CNTN5: variants seen among roughly 807,000 people sequenced by gnomAD.
CNTN5 encodes contactin 5, also known as contactin-5.
In CNTN5, 77 loss-of-function variants were observed where a neutral mutation model predicts 129.1. That is an observed-to-expected ratio of 0.60 (90% confidence interval 0.50 to 0.72). The LOEUF (loss-of-function observed/expected upper bound fraction) is 0.72. Among genes scored for constraint, CNTN5 ranks in the 30% least tolerant of loss-of-function variants. The probability of loss-of-function intolerance (pLI) is 0.00; values close to 1 mark genes in which losing one functional copy is unlikely to be tolerated. For missense variants in CNTN5, 1,478 were observed against 1,328.8 expected, an observed-to-expected ratio of 1.11 and a Z score of -1.75; for synonymous variants, 509 against 465.6, an observed-to-expected ratio of 1.09 and a Z score of -1.20.
chr11:99,522,555 A>G (rs1338840631), intron 2 of CNTN5, among the ~76,000 whole-genome samples: 1 of 152,204 alleles, frequency 6.6e-6, no homozygotes, highest in Non-Finnish European at 1.5e-5. Flanking sequence ...GTAATTCTCT[A>G]TAGACATTCA....
At chr11:99,706,493 T>C (rs933404408) in intron 3 of CNTN5, among the ~76,000 whole-genome samples, 30 of 151,492 alleles carry the variant, frequency 2.0e-4, no homozygotes, top group Non-Finnish European at 3.3e-4. Flanking sequence ...GGAAACACCA[T>C]AGGAAACTGC....
At chr11:100,169,291 G>A (rs1046670802) in intron 13 of CNTN5, among the ~76,000 whole-genome samples, 1 of 152,128 alleles carries the variant, frequency 6.6e-6, no homozygotes, top group African/African-American at 2.4e-5. Flanking sequence ...ATGCTACAGA[G>A]AAATCTTTCA....
chr11:99,530,756 T>G (rs933027784), intron 2 of CNTN5, among the ~76,000 whole-genome samples: 7 of 152,216 alleles, frequency 4.6e-5, no homozygotes, highest in African/African-American at 1.7e-4. Context: ...CTGATAGGTT[T>G]ATCAGGTGTT....
intron 15 of CNTN5, among the ~76,000 whole-genome samples, chr11:100,202,548 TTTATA>T (rs1464946196): frequency 6.7e-6 from 1 of 149,342 alleles, no homozygotes; most frequent in Non-Finnish European, 1.5e-5. Flanking sequence ...TATATTTATA[TTTATA>T]TATTTATATT....
At chr11:99,784,795 G>GGTTTTTT (rs1565528297) in intron 3 of CNTN5, among the ~76,000 whole-genome samples, 1 of 93,916 alleles carries the variant, frequency 1.1e-5, no homozygotes, top group Non-Finnish European at 2.1e-5. Flanking sequence ...ATCTCATTGT[G>GGTTTTTT]TTTTTTTTTT....
At chr11:100,143,599 A>G (rs1349024031) in intron 13 of CNTN5, among the ~76,000 whole-genome samples, 1 of 152,134 alleles carries the variant, frequency 6.6e-6, no homozygotes, top group Non-Finnish European at 1.5e-5. Flanking sequence ...AAGGAAGGAG[A>G]TTCCAAGGGA....
chr11:100,292,088 C>T (rs1317821529), intron 18 of CNTN5, among the ~76,000 whole-genome samples: 1 of 151,878 alleles, frequency 6.6e-6, no homozygotes, highest in Admixed American at 6.6e-5. Flanking sequence ...TCTCTCATTC[C>T]TTCCCAGCAC....
chr11:99,748,838 C>G (rs967062237), intron 3 of CNTN5, among the ~76,000 whole-genome samples: 2 of 152,296 alleles, frequency 1.3e-5, no homozygotes, highest in African/African-American at 2.4e-5. Flanking sequence ...TCTTTACTCA[C>G]TCTACTGATT....
chr11:99,991,675 T>C (rs1306175348), intron 8 of CNTN5, among the ~76,000 whole-genome samples: 2 of 152,206 alleles, frequency 1.3e-5, no homozygotes, highest in Middle Eastern at 3.2e-3. Flanking sequence ...CTGTCTTAAT[T>C]GGCTGCCTTT....
intron 2 of CNTN5, among the ~76,000 whole-genome samples, chr11:99,418,909 A>G (rs1337067958): frequency 6.6e-6 from 1 of 152,164 alleles, no homozygotes; most frequent in African/African-American, 2.4e-5. Context: ...GAAAAGTTCA[A>G]GCTTTGGAGA....
At position 99,574,185 on chromosome 11, in the gene CNTN5, T is replaced by C. The variant is rs147317300; in HGVS notation, c.55+17916T>C. ...CTTTTCTGTTCCTGTGTTAGTTTGC[T>C]GAGAATGATGGTTTCCTGCTTCATC... On this transcript the variant is annotated intron_variant, in intron 3 of 24. Transcript: ENST00000524871. 2.0e-5 allele frequency among the ~76,000 whole-genome samples: 3 copies of C among 152,316 alleles called. No individual in the cohort carries two copies. In the East Asian group the frequency reaches 5.8e-4, roughly 29 times the overall value.
intron 3 of CNTN5, among the ~76,000 whole-genome samples, chr11:99,763,135 A>G (rs1043569154): frequency 9.1e-6 from 1 of 110,434 alleles, no homozygotes; most frequent in Non-Finnish European, 2.2e-5. Flanking sequence ...TACTGTATCA[A>G]CAATGTTTTC....
intron 16 of CNTN5, among the ~76,000 whole-genome samples, chr11:100,249,461 T>A (rs868444549): frequency 1.3e-5 from 2 of 152,160 alleles, no homozygotes; most frequent in African/African-American, 4.8e-5. Flanking sequence ...TTTTTCAAAA[T>A]TGACTATTTC....
intron 1 of CNTN5, among the ~76,000 whole-genome samples, chr11:99,162,667 A>G (rs1047794165): frequency 5.3e-5 from 8 of 152,198 alleles, no homozygotes; most frequent in East Asian, 3.8e-4. Flanking sequence ...AAGAACATCA[A>G]AGTAGCTTGT....
chr11:99,159,352 G>C (rs536206954), intron 1 of CNTN5, among the ~76,000 whole-genome samples: 1 of 152,330 alleles, frequency 6.6e-6, no homozygotes, highest in Non-Finnish European at 1.5e-5. Flanking sequence ...GCCGGGTGCA[G>C]TGGCTCACGC....
At chr11:99,167,940 A>ATT (rs755867784) in intron 1 of CNTN5, among the ~76,000 whole-genome samples, 8 of 147,494 alleles carry the variant, frequency 5.4e-5, no homozygotes, top group African/African-American at 2.0e-4. Flanking sequence ...TCTTATAATG[A>ATT]TTTTTTTTTT....
intron 6 of CNTN5, among the ~76,000 whole-genome samples, chr11:99,906,090 A>G (rs1243327433): frequency 1.3e-5 from 2 of 152,146 alleles, no homozygotes; most frequent in African/African-American, 4.8e-5. Flanking sequence ...AACAGAGACA[A>G]TTTGACTTCC....
chr11:99,713,739 G>C (rs973884779), intron 3 of CNTN5, among the ~76,000 whole-genome samples: 8 of 151,946 alleles, frequency 5.3e-5, no homozygotes, highest in Non-Finnish European at 1.2e-4. Context: ...TTTTAAGTTT[G>C]AATGTGGTCA....
intron 7 of CNTN5, among the ~76,000 whole-genome samples, chr11:99,933,701 A>G (rs1273955168): frequency 6.6e-6 from 1 of 152,236 alleles, no homozygotes; most frequent in Non-Finnish European, 1.5e-5. Context: ...GTTGCAATAT[A>G]TTAGGTTGGT....
Sources: allele counts gnomAD v4.1 joint callset (sites outside exome capture counted in the v4.1 genomes callset), GRCh38; gene constraint gnomAD v4.1.1; transcripts MANE v1.5; gene names NCBI Gene and HGNC (gene_info 2026-07-23, HGNC 2026-07-21).